EXOC6: variants seen among roughly 807,000 people sequenced by gnomAD.
EXOC6 encodes SEC15-like 1.
Under a neutral mutation model 112.5 loss-of-function variants are expected in EXOC6, and 60 were observed. That is an observed-to-expected ratio of 0.53 (90% confidence interval 0.43 to 0.66). The LOEUF is 0.66. Among genes scored for constraint, EXOC6 ranks in the 30% least tolerant of loss-of-function variants. The pLI is 0.00. For missense variants in EXOC6, 855 were observed against 957.1 expected, an observed-to-expected ratio of 0.89 and a Z score of 1.41; for synonymous variants, 295 against 308.0, an observed-to-expected ratio of 0.96 and a Z score of 0.44.
intron 1 of EXOC6, among the ~76,000 whole-genome samples, chr10:92,872,548 C>T (rs1039474683): frequency 4.6e-5 from 7 of 151,940 alleles, no homozygotes; most frequent in Admixed American, 6.6e-5. Context: ...TTATTTTTCA[C>T]CTGATCATTC....
intron 17 of EXOC6, among the ~76,000 whole-genome samples, chr10:92,958,222 A>G (rs996224414): frequency 6.6e-6 from 1 of 152,224 alleles, no homozygotes; most frequent in Non-Finnish European, 1.5e-5. Flanking sequence ...TTAGAGAACT[A>G]CTTAAAGCTA....
intron 5 of EXOC6, among the ~76,000 whole-genome samples, chr10:92,905,919 AATT>A (rs1850418789): frequency 6.6e-6 from 1 of 152,080 alleles, no homozygotes; most frequent in African/African-American, 2.4e-5. Flanking sequence ...TGAACCTGTC[AATT>A]ATTGTTAGAG....
At chr10:92,939,720 A>G (rs1316912089) in intron 12 of EXOC6, among the ~76,000 whole-genome samples, 1 of 152,126 alleles carries the variant, frequency 6.6e-6, no homozygotes, top group African/African-American at 2.4e-5. Flanking sequence ...ACTAAAGGTT[A>G]GAGATAGAAG....
At chr10:92,995,750 A>G (rs1243741759) in intron 18 of EXOC6, among the ~76,000 whole-genome samples, 1 of 152,074 alleles carries the variant, frequency 6.6e-6, no homozygotes, top group Non-Finnish European at 1.5e-5. Context: ...TGTTTGTTAC[A>G]TTCCTTTTTG....
intron 20 of EXOC6, among the ~76,000 whole-genome samples, chr10:93,035,051 TA>T (rs1845453868): frequency 6.6e-6 from 1 of 152,252 alleles, no homozygotes. Flanking sequence ...TAAAGGAAGA[TA>T]CATTTGGGTT....
At position 92,880,354 on chromosome 10, in the gene EXOC6, T is replaced by C. The variant is rs562467774; in HGVS notation, c.102-12995T>C. ...GTATAGACGCAACCACCCATTTTTT[T>C]TTTCCTTGAATATTTTCCATCTGTG... is the stretch of plus-strand genomic sequence containing the variant. On this transcript the variant is annotated intron_variant, in intron 1 of 21. Transcript: ENST00000260762. Among the ~76,000 whole-genome samples the C allele has an allele frequency of 2.6e-5, 4 of 152,326 alleles. No individual in the cohort carries two copies. In the South Asian group the frequency reaches 6.2e-4, roughly 24 times the overall value.
intron 1 of EXOC6, among the ~76,000 whole-genome samples, chr10:92,871,255 G>A (rs1200273183): frequency 6.6e-6 from 1 of 152,032 alleles, no homozygotes; most frequent in Non-Finnish European, 1.5e-5. Context: ...AGCCTAGCAC[G>A]GTGACTCATG....
upstream of EXOC6, among the ~76,000 whole-genome samples, chr10:92,847,737 C>CA (rs1231262027): frequency 1.3e-5 from 2 of 151,996 alleles, no homozygotes; most frequent in African/African-American, 2.4e-5. Flanking sequence ...TGCTGCTAAC[C>CA]CCCTTTCAAG....
At chr10:92,913,340 A>G (rs574879894) in intron 6 of EXOC6, among the ~76,000 whole-genome samples, 1 of 152,288 alleles carries the variant, frequency 6.6e-6, no homozygotes, top group South Asian at 2.1e-4. Flanking sequence ...ATATAGAATC[A>G]TTTGTTTTCC....
chr10:93,047,568 G>C (rs1846056917), intron 20 of EXOC6, among the ~76,000 whole-genome samples: 1 of 151,852 alleles, frequency 6.6e-6, no homozygotes, highest in Non-Finnish European at 1.5e-5. Context: ...ACAAAAAGAG[G>C]AGAAGAAGAA....
intron 17 of EXOC6, among the ~76,000 whole-genome samples, chr10:92,968,541 C>T (rs1238950565): frequency 2.0e-5 from 3 of 152,008 alleles, no homozygotes; most frequent in Non-Finnish European, 4.4e-5. Context: ...TTCTCCCTTA[C>T]GTAAAAATAA....
At chr10:92,914,539 A>G (rs1850977543) in intron 6 of EXOC6, among the ~76,000 whole-genome samples, 1 of 152,240 alleles carries the variant, frequency 6.6e-6, no homozygotes, top group African/African-American at 2.4e-5. Flanking sequence ...TTGGGAAACA[A>G]TACTCTAAAT....
chr10:92,953,805 C>G (rs927833887), intron 15 of EXOC6, among the ~76,000 whole-genome samples: 1 of 151,882 alleles, frequency 6.6e-6, no homozygotes, highest in African/African-American at 2.4e-5. Flanking sequence ...TGTTAAGAAA[C>G]ATCATATTAA....
chr10:92,849,837 G>A (rs979855011), intron 1 of EXOC6, among the ~76,000 whole-genome samples: 12 of 152,098 alleles, frequency 7.9e-5, no homozygotes, highest in African/African-American at 2.7e-4. Flanking sequence ...TGTAGAATGG[G>A]GAGGGGAGAG....
intron 13 of EXOC6, among the ~76,000 whole-genome samples, chr10:92,944,771 G>GTA (rs1170141233): frequency 7.2e-6 from 1 of 139,664 alleles, no homozygotes; most frequent in Non-Finnish European, 1.5e-5. Context: ...ATACCTCGTT[G>GTA]TATTTTTTTT....
Position 92,934,415 on chromosome 10 carries a change from C to T in EXOC6, c.1125C>T (p.Val375=). The change falls in exon 11 of 22, where the codon GTC becomes GTT. Residue 375 remains valine (V), a synonymous_variant. Coordinates refer to ENST00000260762, the MANE Select transcript of EXOC6 (RefSeq NM_019053.6). Reference sequence around the variant, plus strand: ...TGGCCCTCTCAAAGATAATTGCTGTCCTTAGAGCTCATTCAGTAAGTCAGA... The same window carrying T: ...TGGCCCTCTCAAAGATAATTGCTGTTCTTAGAGCTCATTCAGTAAGTCAGA... ...WNMALSKIIA[V]LRAHSSYCTD... is the part of the protein sequence containing the mutation. 6.3e-7 allele frequency: 1 copy of T among 1,576,730 alleles called. No individual in the cohort carries two copies. Among genetic ancestry groups the T allele is most frequent in the South Asian group, 1.2e-5 (1 of 84,238 alleles).
chr10:92,984,819 G>A (rs753950750), intron 18 of EXOC6, among the ~76,000 whole-genome samples: 15 of 151,922 alleles, frequency 9.9e-5, no homozygotes, highest in Non-Finnish European at 1.9e-4. Context: ...GCAATGTGGC[G>A]AAACCCTGTC....
At chr10:92,827,277 C>T (rs934460414) in intron 1 of EXOC6, among the ~76,000 whole-genome samples, 2 of 151,282 alleles carry the variant, frequency 1.3e-5, no homozygotes, top group African/African-American at 4.9e-5. Context: ...AGTTCAAGAC[C>T]AGCCTGGGCA....
chr10:92,991,553 G>T (rs1330963975), intron 18 of EXOC6, among the ~76,000 whole-genome samples: 1 of 151,994 alleles, frequency 6.6e-6, no homozygotes. Flanking sequence ...GCCTTCTAAG[G>T]CCATACTCAA....
Sources: allele counts gnomAD v4.1 joint callset (sites outside exome capture counted in the v4.1 genomes callset), GRCh38; gene constraint gnomAD v4.1.1; transcripts MANE v1.5; gene names NCBI Gene and HGNC (gene_info 2026-07-23, HGNC 2026-07-21).